IL6R: variants seen among roughly 807,000 people sequenced by gnomAD.
IL6R encodes interleukin-6 receptor subunit alpha.
A neutral mutation model predicts 48.3 loss-of-function variants in IL6R; 38 were observed. That is an observed-to-expected ratio of 0.79 (90% CI 0.61 to 1.03). The LOEUF is 1.03. Among genes scored for constraint, IL6R ranks in the 50% least tolerant of loss-of-function variants. IL6R has a pLI of 0.00. For missense variants in IL6R, 534 were observed against 618.3 expected (o/e 0.86, Z 1.45); for synonymous variants, 264 against 256.2 (o/e 1.03, Z -0.29).
Position 154,446,218 on chromosome 1 carries a change from G to T in IL6R, c.950-1907G>T, listed in dbSNP as rs930086617. Among the ~76,000 whole-genome samples, 4 of 152,290 alleles carry T rather than the reference G, an allele frequency of 2.6e-5. No homozygotes were observed. The South Asian group carries it at 8.3e-4, about 32-fold the overall frequency. On this transcript the variant is annotated intron_variant, in intron 6 of 9. Transcript: ENST00000368485. ...AACTGGGTCCCTCCCATGAATTCTA[G>T]GTTCAATTCAGGTCGCACTTGCTGT... is the stretch of plus-strand genomic sequence containing the variant.
chr1:154,468,976 C>T lies in IL6R; in HGVS notation c.*3596C>T, dbSNP rs1056573910. On this transcript the variant is annotated 3_prime_UTR_variant, in exon 10 of 10. Coordinates refer to ENST00000368485, the MANE Select transcript of IL6R (RefSeq NM_000565.4). ...CGTGCAGCCGTGGGCAGGGGCTGCA[C>T]ACGGAGGGGCAGGCGGGCCAGTTCA... 1.3e-5 allele frequency: 2 copies of T among 152,216 alleles called. No homozygotes were observed. Among genetic ancestry groups the T allele is most frequent in the South Asian group, 2.1e-4 (1 of 4,830 alleles). The allele number at this position is 152,216 out of a possible 1,614,324, so 9.4% of individuals were successfully genotyped here. A position where few individuals can be genotyped will look rare whatever the true frequency, so the allele number is the denominator to read the frequency against.
At chr1:154,420,472 C>T (rs1688597350) in intron 1 of IL6R, among the ~76,000 whole-genome samples, 1 of 151,650 alleles carries the variant, frequency 6.6e-6, no homozygotes, top group Non-Finnish European at 1.5e-5. Flanking sequence ...TTCCTCTACA[C>T]CAAGGGGCCT....
chr1:154,430,429 G>T, intron 2 of IL6R, 54 bp from the exon 3 acceptor site: 1 of 1,601,398 alleles, frequency 6.2e-7, no homozygotes, highest in South Asian at 1.1e-5. Flanking sequence ...TGCGAGGTCA[G>T]TGCGCCCCAG....
Position 154,468,305 on chromosome 1 carries a change from T to G in IL6R, c.*2925T>G, listed in dbSNP as rs796465101. 4 of 152,330 alleles carry G rather than the reference T, an allele frequency of 2.6e-5. No homozygotes were observed. Among genetic ancestry groups the G allele is most frequent in the African/African-American group, 9.6e-5 (4 of 41,562 alleles). 9.4% of individuals were successfully genotyped at this position (152,330 alleles called of 1,614,324 possible). On this transcript the variant is annotated 3_prime_UTR_variant, in exon 10 of 10. Transcript: ENST00000368485. Reference sequence around the variant, plus strand: ...CACTGCCTTGAGTCCCCAGCAGTGCTGTTATTTGCCTAACACCTGTAGCCA... The same window carrying G: ...CACTGCCTTGAGTCCCCAGCAGTGCGGTTATTTGCCTAACACCTGTAGCCA...
At chr1:154,417,657 T>TGC in intron 1 of IL6R, among the ~76,000 whole-genome samples, 1 of 151,800 alleles carries the variant, frequency 6.6e-6, no homozygotes, top group East Asian at 1.9e-4. Context: ...GCAAACTCCA[T>TGC]CTCCGGGGTT....
Position 154,437,119 on chromosome 1 carries a change from C to T in IL6R, c.949+1009C>T, listed in dbSNP as rs1280600423. On this transcript the variant is annotated intron_variant, in intron 6 of 9. Transcript: ENST00000368485. ...GTTGTTTTGTTTGTTTGTTTTGAGA[C>T]GGAGTCTCACTCTGTCACCCAGGCT... is the stretch of plus-strand genomic sequence containing the variant. Among the ~76,000 whole-genome samples, 6 of 152,244 alleles carry T rather than the reference C, an allele frequency of 3.9e-5. No individual in the cohort carries two copies. The East Asian group carries it at 9.6e-4, about 24-fold the overall frequency.
chr1:154,455,287 G>A (rs1006346970), intron 9 of IL6R, among the ~76,000 whole-genome samples: 1 of 152,050 alleles, frequency 6.6e-6, no homozygotes, highest in Non-Finnish European at 1.5e-5. Context: ...TGTGAAGGGG[G>A]CGCAGCACGG....
chr1:154,462,307 C>A (rs1691305022), intron 9 of IL6R, among the ~76,000 whole-genome samples: 1 of 152,020 alleles, frequency 6.6e-6, no homozygotes, highest in African/African-American at 2.4e-5. Context: ...CTGCATCCTG[C>A]CTTTCACACT....
At chr1:154,440,132 C>G (rs1300491253) in intron 6 of IL6R, among the ~76,000 whole-genome samples, 1 of 152,182 alleles carries the variant, frequency 6.6e-6, no homozygotes, top group Non-Finnish European at 1.5e-5. Flanking sequence ...CTAGGTACTT[C>G]AAATAAGTGG....
intron 1 of IL6R, chr1:154,418,516 C>A (rs981596765): frequency 1.7e-6 from 1 of 594,066 alleles, no homozygotes; most frequent in Non-Finnish European, 2.1e-6. Context: ...GGCCTGCCAG[C>A]CAAAGCTAGT....
intron 1 of IL6R, among the ~76,000 whole-genome samples, chr1:154,421,284 G>A (rs1688647712): frequency 6.6e-6 from 1 of 152,234 alleles, no homozygotes; most frequent in African/African-American, 2.4e-5. Context: ...GCAGTGGGGA[G>A]AGGTGGGGAA....
chr1:154,432,624 C>T (rs1307077981), intron 3 of IL6R, among the ~76,000 whole-genome samples: 2 of 152,312 alleles, frequency 1.3e-5, no homozygotes, highest in South Asian at 2.1e-4. Context: ...TCCCAAAGTG[C>T]TGGGATTACA....
At chr1:154,434,871 G>A in intron 4 of IL6R, 119 bp from the exon 5 acceptor site, 7 of 1,227,030 alleles carry the variant, frequency 5.7e-6, no homozygotes. Flanking sequence ...CCCTTGTGGA[G>A]CTGTGCATGG....
Position 154,448,059 on chromosome 1 carries a change from G to T in IL6R, c.950-66G>T. 5.4e-6 allele frequency: 7 copies of T among 1,293,832 alleles called. No homozygotes were observed. The Admixed American group carries it at 9.4e-5, about 17-fold the overall frequency. 80.1% of individuals were successfully genotyped at this position (1,293,832 alleles called of 1,614,324 possible). A position where few individuals can be genotyped will look rare whatever the true frequency, so the allele number is the denominator to read the frequency against. ...AGATGAACTTTTTTTTTCTGATGCT[G>T]AAGCCCCTGAGACAGGACTCCAGGG... On this transcript the variant is annotated intron_variant, in intron 6 of 9. Transcript: ENST00000368485.
chr1:154,457,711 T>G, intron 9 of IL6R, among the ~76,000 whole-genome samples: 1 of 152,194 alleles, frequency 6.6e-6, no homozygotes, highest in Non-Finnish European at 1.5e-5. Flanking sequence ...CTTTTTTTCA[T>G]AAGCTGAAAC....
chr1:154,414,762 C>T, intron 1 of IL6R: 1 of 774,030 alleles, frequency 1.3e-6, no homozygotes, highest in Non-Finnish European at 2.3e-6. Flanking sequence ...TCTGGATGTC[C>T]TTGGCAGGCA....
chr1:154,437,436 C>A (rs1415444769), intron 6 of IL6R: 2 of 364,538 alleles, frequency 5.5e-6, no homozygotes, highest in Non-Finnish European at 5.7e-6. Context: ...TTTTTGAAGA[C>A]AGGCTTTCTC....
intron 1 of IL6R, among the ~76,000 whole-genome samples, chr1:154,411,553 A>C (rs747989607): frequency 1.3e-5 from 2 of 152,196 alleles, no homozygotes; most frequent in African/African-American, 4.8e-5. Context: ...TGCAATCCAC[A>C]TCACTATAAA....
At chr1:154,416,181 G>T (rs1688338031) in intron 1 of IL6R, among the ~76,000 whole-genome samples, 2 of 152,130 alleles carry the variant, frequency 1.3e-5, no homozygotes, top group South Asian at 4.1e-4. Flanking sequence ...CAAGGCTGGA[G>T]TGCAGTGTCT....
Sources: gnomAD v4.1 joint callset for allele counts (sites outside exome capture counted in the v4.1 genomes callset) on GRCh38, gnomAD v4.1.1 for gene constraint, MANE v1.5 for transcripts, NCBI Gene and HGNC (gene_info 2026-07-23, HGNC 2026-07-21) for gene names.